The following TLX3 variants were observed in gnomAD, a reference collection of about 807,000 sequenced individuals.
TLX3 encodes the protein T cell leukemia homeobox 3.
A neutral mutation model predicts 19.6 loss-of-function variants in TLX3; 11 were observed. That is an observed-to-expected ratio of 0.56 (90% CI 0.35 to 0.93). The LOEUF is 0.93. TLX3 is among the 40% of genes least tolerant of loss of function. The pLI is 0.01. For missense variants in TLX3, 375 were observed against 418.6 expected (o/e 0.90, Z 0.91); for synonymous variants, 221 against 188.1 (o/e 1.17, Z -1.43).
chr5:171,309,672 C>T lies in TLX3; in HGVS notation c.307C>T (p.Pro103Ser), dbSNP rs552364638. 1 of 1,609,330 alleles carries T rather than the reference C, an allele frequency of 6.2e-7. No homozygotes were observed. The highest frequency in any genetic ancestry group is 1.3e-5 in the African/African-American group (1 of 74,976). ...HRPLPGAVPP[P>S]LPSALPAMPS... is the part of the protein sequence containing the mutation. Reference sequence around the variant, plus strand: ...GCCGCTGCCCGGGGCCGTGCCACCGCCTCTGCCAAGCGCGCTACCCGCCAT... The same window carrying T: ...GCCGCTGCCCGGGGCCGTGCCACCGTCTCTGCCAAGCGCGCTACCCGCCAT... The change falls in exon 1 of 3, where the codon CCT becomes TCT. Residue 103 changes from proline to serine, a missense_variant. Transcript: ENST00000296921.
Position 171,309,600 on chromosome 5 carries a change from A to T in TLX3, c.235A>T (p.Asn79Tyr). 1 of 1,605,866 alleles carries T rather than the reference A, an allele frequency of 6.2e-7. No individual in the cohort carries two copies. The highest frequency in any genetic ancestry group is 8.5e-7 in the Non-Finnish European group (1 of 1,177,148). The change falls in exon 1 of 3, where the codon AAC becomes TAC. Residue 79 changes from asparagine (N) to tyrosine (Y), a missense_variant. Physicochemically the swap from Asn to Tyr is moderately radical, Grantham distance 143. This residue lies in a region of TLX3 where 239 missense variants were observed against 217.0 expected (regional missense o/e 1.10). Transcript: ENST00000296921. ...PFEDAGSYSV[N>Y]LSLAPAGVIR... Reference sequence around the variant, plus strand: ...CGAGGACGCGGGATCTTACAGTGTGAACCTGAGCCTAGCGCCCGCAGGCGT... The same window carrying T: ...CGAGGACGCGGGATCTTACAGTGTGTACCTGAGCCTAGCGCCCGCAGGCGT...
At position 171,311,430 on chromosome 5, in the gene TLX3, C is replaced by A. The variant is rs1302070302; in HGVS notation, c.707C>A (p.Ala236Glu). The A allele has an allele frequency of 2.5e-6, 4 of 1,569,346 alleles. No individual in the cohort carries two copies. The highest frequency in any genetic ancestry group is 1.9e-5 in the Admixed American group (1 of 53,312). The change falls in exon 3 of 3, where the codon GCG becomes GAG. Residue 236 changes from alanine to glutamate, a missense_variant. Transcript: ENST00000296921. The surrounding 1 kb of genome is among the most constrained non-coding windows in gnomAD (Gnocchi z 5.1). ...AEEREAERQQ[A>E]SRLMLQLQHD... ...GAGCGGGAGGCGGAGCGGCAGCAGG[C>A]GAGCCGGCTCATGCTGCAGCTGCAA...
intron 2 of TLX3, 109 bp downstream of exon 2, chr5:171,310,502 C>G (rs1274822185): frequency 1.5e-5 from 21 of 1,365,708 alleles, no homozygotes; most frequent in Admixed American, 9.6e-5. Flanking sequence ...CCCCCGCCCC[C>G]CTCTGCCTCC....
In TLX3 at chr5:171,311,294, G is replaced by A. The variant is rs1769215967; in HGVS notation, c.666-95G>A. ...ACGGGTTCTGCGCCTCGAGGCTCCCGGATGGCCTCGGCTCCCGGGAGGGCC... is the reference window on the plus strand; with the variant it reads ...ACGGGTTCTGCGCCTCGAGGCTCCCAGATGGCCTCGGCTCCCGGGAGGGCC... On this transcript the variant is annotated intron_variant, in intron 2 of 2. Coordinates refer to ENST00000296921, the MANE Select transcript of TLX3 (RefSeq NM_021025.4). This position sits in a 1 kb window ranked among gnomAD's most constrained non-coding sequence, Gnocchi z 5.1. 8.8e-7 allele frequency: 1 copy of A among 1,142,244 alleles called. No homozygotes were observed. Among genetic ancestry groups the A allele is most frequent in the African/African-American group, 1.6e-5 (1 of 62,700 alleles). The allele number at this position is 1,142,244 out of a possible 1,614,324, so 70.8% of individuals were successfully genotyped here.
In TLX3 at chr5:171,310,321, C is replaced by T. The variant is rs754071909; in HGVS notation, c.593C>T (p.Ala198Val). ...QKYLASAERA[A>V]LAKSLKMTDA... ...TACCTGGCCTCTGCCGAGAGGGCGG[C>T]GCTCGCCAAGTCCCTCAAAATGACG... Residue 198 changes from alanine to valine, a missense_variant, in exon 2 of 3, where the codon GCG (alanine) becomes GTG (valine). Ala to Val is a moderately conservative substitution (Grantham distance 64, BLOSUM62 0). Around this residue, in one of 3 missense-constraint regions of TLX3, gnomAD observed 74 missense variants for 138.6 expected, o/e 0.53. Coordinates refer to ENST00000296921, the MANE Select transcript of TLX3 (RefSeq NM_021025.4). 1.2e-6 allele frequency: 2 copies of T among 1,609,862 alleles called. No individual in the cohort carries two copies. Among genetic ancestry groups the T allele is most frequent in the East Asian group, 2.2e-5 (1 of 44,618 alleles).
At chr5:171,310,045 A>C (rs1426922069) in intron 1 of TLX3, 105 bp from the exon 2 acceptor site, 1 of 1,447,074 alleles carries the variant, frequency 6.9e-7, no homozygotes, top group Non-Finnish European at 9.1e-7. Flanking sequence ...CGACCAGCGA[A>C]ATAGCGGAGC....
chr5:171,310,812 C>A (rs915149746), intron 2 of TLX3, among the ~76,000 whole-genome samples: 1 of 151,310 alleles, frequency 6.6e-6, no homozygotes, highest in South Asian at 2.1e-4. Flanking sequence ...CCCGCCCTCT[C>A]GGATTTTCAA....
Position 171,311,768 on chromosome 5 carries a change from G to A in TLX3, c.*169G>A, listed in dbSNP as rs1273101685. 2 of 453,192 alleles carry A rather than the reference G, an allele frequency of 4.4e-6. No homozygotes were observed. Among genetic ancestry groups the A allele is most frequent in the Non-Finnish European group, 7.6e-6 (2 of 263,340 alleles). The allele number at this position is 453,192 out of a possible 1,614,324, so 28.1% of individuals were successfully genotyped here. Reference sequence around the variant, plus strand: ...CTGGCGGGCCGCGGAAGGGGGTAGGGCCCGAGCTCCGCGCGGCCGCACAAT... The same window carrying A: ...CTGGCGGGCCGCGGAAGGGGGTAGGACCCGAGCTCCGCGCGGCCGCACAAT... On this transcript the variant is annotated 3_prime_UTR_variant, in exon 3 of 3. Transcript: ENST00000296921. The surrounding 1 kb of genome is among the most constrained non-coding windows in gnomAD (Gnocchi z 5.1).
Position 171,311,650 on chromosome 5 carries a change from C to A in TLX3, c.*51C>A. The A allele has an allele frequency of 1.4e-6, 2 of 1,448,696 alleles. No individual in the cohort carries two copies. Among genetic ancestry groups the A allele is most frequent in the Non-Finnish European group, 1.9e-6 (2 of 1,058,266 alleles). 89.7% of individuals were successfully genotyped at this position (1,448,696 alleles called of 1,614,324 possible). ...GGATCGCCGCCCCCACCCAGCCGGGCGCCCCGGACCCCCCAGGCGGGCTGC... is the reference window on the plus strand; with the variant it reads ...GGATCGCCGCCCCCACCCAGCCGGGAGCCCCGGACCCCCCAGGCGGGCTGC... On this transcript the variant is annotated 3_prime_UTR_variant, in exon 3 of 3. Transcript: ENST00000296921. The surrounding 1 kb of genome is among the most constrained non-coding windows in gnomAD (Gnocchi z 5.1).
At position 171,309,576 on chromosome 5, in the gene TLX3, G is replaced by C. The variant is rs549898522; in HGVS notation, c.211G>C (p.Glu71Gln). 1.3e-6 allele frequency: 2 copies of C among 1,595,466 alleles called. No homozygotes were observed. The highest frequency in any genetic ancestry group is 1.7e-6 in the Non-Finnish European group (2 of 1,172,248). ...CTTTGCGGGCCTCGGCGCGCCCTTC[G>C]AGGACGCGGGATCTTACAGTGTGAA... The part of the protein sequence containing the change: ...ASFAGLGAPF[E>Q]DAGSYSVNLS... Residue 71 changes from glutamate to glutamine, a missense_variant, in exon 1 of 3, where the codon GAG (glutamate) becomes CAG (glutamine). Transcript: ENST00000296921.
chr5:171,309,693 G>A lies in TLX3; in HGVS notation c.328G>A (p.Ala110Thr). 1 of 1,610,990 alleles carries A rather than the reference G, an allele frequency of 6.2e-7. No homozygotes were observed. Among genetic ancestry groups the A allele is most frequent in the Non-Finnish European group, 8.5e-7 (1 of 1,179,228 alleles). The change falls in exon 1 of 3, where the codon GCC becomes ACC. Residue 110 changes from alanine (A) to threonine (T), a missense_variant. Ala to Thr is a moderately conservative substitution (Grantham distance 58). Around this residue, in one of 3 missense-constraint regions of TLX3, gnomAD observed 239 missense variants for 217.0 expected, o/e 1.10. Coordinates refer to ENST00000296921, the MANE Select transcript of TLX3 (RefSeq NM_021025.4). ...VPPPLPSALP[A>T]MPSVPTVSSL... Reference sequence around the variant, plus strand: ...ACCGCCTCTGCCAAGCGCGCTACCCGCCATGCCCTCCGTGCCCACGGTCTC... The same window carrying A: ...ACCGCCTCTGCCAAGCGCGCTACCCACCATGCCCTCCGTGCCCACGGTCTC...
intron 2 of TLX3, 87 bp downstream of exon 2, chr5:171,310,480 G>A: frequency 6.6e-7 from 1 of 1,507,728 alleles, no homozygotes; most frequent in Non-Finnish European, 8.9e-7. Flanking sequence ...CCTATTTTAA[G>A]GCTATCCACT....
Position 171,309,680 on chromosome 5 carries a change from A to G in TLX3, c.315A>G (p.Pro105=), listed in dbSNP as rs778528638. The G allele has an allele frequency of 6.2e-7, 1 of 1,609,442 alleles. No individual in the cohort carries two copies. The highest frequency in any genetic ancestry group is 8.5e-7 in the Non-Finnish European group (1 of 1,178,714). ...PLPGAVPPPL[P]SALPAMPSVP... ...CCGGGGCCGTGCCACCGCCTCTGCC[A>G]AGCGCGCTACCCGCCATGCCCTCCG... The change falls in exon 1 of 3, where the codon CCA becomes CCG. Residue 105 remains proline, a synonymous_variant. Coordinates refer to ENST00000296921, the MANE Select transcript of TLX3 (RefSeq NM_021025.4).
chr5:171,310,498 C>T, intron 2 of TLX3, 105 bp downstream of exon 2: 2 of 1,375,620 alleles, frequency 1.5e-6, no homozygotes, highest in Admixed American at 2.4e-5. Flanking sequence ...ACTACCCCCG[C>T]CCCCCTCTGC....
At position 171,309,802 on chromosome 5, in the gene TLX3, G is replaced by T; in HGVS notation, c.421+16G>T. On this transcript the variant is annotated intron_variant, in intron 1 of 2. Coordinates refer to ENST00000296921, the MANE Select transcript of TLX3 (RefSeq NM_021025.4). ...CGCTTCACAGGTGAGCAGAGCTGGC[G>T]ACCAGGCTCCAGGCCTCCGCCCTCT... 1 of 1,573,238 alleles carries T rather than the reference G, an allele frequency of 6.4e-7. No individual in the cohort carries two copies. The highest frequency in any genetic ancestry group is 1.2e-5 in the South Asian group (1 of 85,942).
At chr5:171,309,899 G>T in intron 1 of TLX3, 113 bp downstream of exon 1, 1 of 1,387,824 alleles carries the variant, frequency 7.2e-7, no homozygotes, top group African/African-American at 1.5e-5. Context: ...CGCGGCGGAG[G>T]CCTCGGCCCC....
In TLX3 at chr5:171,309,656, C is replaced by T. The variant is rs372536922; in HGVS notation, c.291C>T (p.Pro97=). 2.7e-3 allele frequency: 4,369 copies of T among 1,608,078 alleles called. 14 individuals carry two copies. The highest frequency in any genetic ancestry group is 3.4e-3 in the Non-Finnish European group (4,038 of 1,178,244). The part of the protein sequence containing the change: ...VIRVPAHRPL[P]GAVPPPLPSA... The stretch of plus-strand genomic sequence containing the variant: ...GGGTGCCGGCGCACAGGCCGCTGCC[C>T]GGGGCCGTGCCACCGCCTCTGCCAA... Residue 97 remains proline, a synonymous_variant, in exon 1 of 3, where the codon CCC becomes CCT. Coordinates refer to ENST00000296921, the MANE Select transcript of TLX3 (RefSeq NM_021025.4).
chr5:171,310,430 C>T, intron 2 of TLX3, 37 bp downstream of exon 2: 1 of 1,601,388 alleles, frequency 6.2e-7, no homozygotes, highest in Non-Finnish European at 8.5e-7. Flanking sequence ...TTACACCTGC[C>T]CTTCACCTGT....
chr5:171,309,934 G>T, intron 1 of TLX3, 148 bp downstream of exon 1: 2 of 1,308,054 alleles, frequency 1.5e-6, no homozygotes, highest in Non-Finnish European at 1.0e-6. Context: ...CCGTGGTGGG[G>T]AGGGTAATCG....
Sources: gnomAD v4.1 joint callset for allele counts (sites outside exome capture counted in the v4.1 genomes callset) on GRCh38, gnomAD v4.1.1 for gene constraint, gnomAD v4.1.1 regional missense constraint, Gnocchi (gnomAD v3.1) non-coding constraint, MANE v1.5 for transcripts, NCBI Gene and HGNC (gene_info 2026-07-23, HGNC 2026-07-21) for gene names.